Variants in RFTN1 observed in about 807,000 individuals in gnomAD.
RFTN1 encodes raftlin.
Under a neutral mutation model 46.5 loss-of-function variants are expected in RFTN1, and 26 were observed. The observed-to-expected ratio is 0.56, with a 90% CI of 0.41 to 0.78. RFTN1 has a LOEUF of 0.78. RFTN1 is among the 30% of genes least tolerant of loss of function. The pLI is 0.00. For synonymous variants in RFTN1, 261 were observed against 284.2 expected (o/e 0.92, Z 0.82); for missense variants, 693 against 718.7 (o/e 0.96, Z 0.41).
Position 16,322,456 on chromosome 3 carries a change from A to T in RFTN1, c.1332+920T>A, listed in dbSNP as rs1376598404. ...TGAGGAATGCAGGAGTGATGCCAGG[A>T]GTGAGGAGCCGAGCAGGTCAGGCAG... On this transcript the variant is annotated intron_variant, in intron 9 of 9. Coordinates refer to ENST00000334133, the MANE Select transcript of RFTN1 (RefSeq NM_015150.2). The surrounding 1 kb of genome is among the most constrained non-coding windows in gnomAD (Gnocchi z 6.2). Among the ~76,000 whole-genome samples the T allele has an allele frequency of 1.3e-5, 2 of 152,166 alleles. No homozygotes were observed. The highest frequency in any genetic ancestry group is 2.9e-5 in the Non-Finnish European group (2 of 68,024).
Position 16,458,135 on chromosome 3 carries a change from G to A in RFTN1, c.146-24098C>T, listed in dbSNP as rs937642696. 3.3e-5 allele frequency among the ~76,000 whole-genome samples: 5 copies of A among 152,058 alleles called. No homozygotes were observed. Among genetic ancestry groups the A allele is most frequent in the African/African-American group, 1.2e-4 (5 of 41,374 alleles). On this transcript the variant is annotated intron_variant, in intron 2 of 9. Transcript: ENST00000334133. This position sits in a 1 kb window ranked among gnomAD's most constrained non-coding sequence, Gnocchi z 5.1. Reference sequence around the variant, plus strand: ...GTTCTTTATAAACTACCCAGTCTTGGGTATTTCGTTTCAACAACACAAAAT... The same window carrying A: ...GTTCTTTATAAACTACCCAGTCTTGAGTATTTCGTTTCAACAACACAAAAT...
chr3:16,425,713 G>A lies in RFTN1; in HGVS notation c.332+8138C>T, dbSNP rs1346044577. 2.0e-5 allele frequency among the ~76,000 whole-genome samples: 3 copies of A among 152,120 alleles called. No homozygotes were observed. Among genetic ancestry groups the A allele is most frequent in the Non-Finnish European group, 4.4e-5 (3 of 68,042 alleles). ...AGAAGGTGGCTTTACGCTGGCATATGAGATTGAAAAGTGCAAACAAATAAT... is the reference window on the plus strand; with the variant it reads ...AGAAGGTGGCTTTACGCTGGCATATAAGATTGAAAAGTGCAAACAAATAAT... On this transcript the variant is annotated intron_variant, in intron 3 of 9. Transcript: ENST00000334133. The surrounding 1 kb of genome is among the most constrained non-coding windows in gnomAD (Gnocchi z 4.3).
chr3:16,477,249 TG>T (rs1559366858), intron 2 of RFTN1, among the ~76,000 whole-genome samples: 3 of 152,210 alleles, frequency 2.0e-5, no homozygotes, highest in Non-Finnish European at 4.4e-5. Context: ...TTAAGGTTGC[TG>T]GGGATTTTCC....
rs1391059139 is a variant in RFTN1, at chr3:16,483,637, C to A, written c.145+10088G>T. ...TCCTCCCAAATATATTCCAAGTCAC[C>A]TAAAGAAAGTAAGTTATGATTTGGT... On this transcript the variant is annotated intron_variant, in intron 2 of 9. Transcript: ENST00000334133. This position sits in a 1 kb window ranked among gnomAD's most constrained non-coding sequence, Gnocchi z 4.8. 1.3e-5 allele frequency among the ~76,000 whole-genome samples: 2 copies of A among 152,020 alleles called. No individual in the cohort carries two copies. Among genetic ancestry groups the A allele is most frequent in the African/African-American group, 4.8e-5 (2 of 41,356 alleles).
chr3:16,376,746 C>CA lies in RFTN1; in HGVS notation c.826+971dup. 6.6e-6 allele frequency among the ~76,000 whole-genome samples: 1 copy of CA among 152,328 alleles called. No homozygotes were observed. Among genetic ancestry groups the CA allele is most frequent in the South Asian group, 2.1e-4 (1 of 4,826 alleles). ...AATATCTCCCTCTAAATCAACTTTG[C>CA]AAATAAGCCCCTGGAATTAACCATC... On this transcript the variant is annotated intron_variant, in intron 5 of 9. Transcript: ENST00000334133. The surrounding 1 kb of genome is among the most constrained non-coding windows in gnomAD (Gnocchi z 4.7).
Position 16,335,317 on chromosome 3 carries a change from C to T in RFTN1, c.1147-8441G>A, listed in dbSNP as rs529900444. ...TGTGAGGGGGTGAGCAGAAGATGAA[C>T]GAAAATGGGCTGAGTGGGAAGGAAT... is the stretch of plus-strand genomic sequence containing the variant. On this transcript the variant is annotated intron_variant, in intron 7 of 9. Transcript: ENST00000334133. The surrounding 1 kb of genome is among the most constrained non-coding windows in gnomAD (Gnocchi z 4.7). Among the ~76,000 whole-genome samples, 9 of 152,170 alleles carry T rather than the reference C, an allele frequency of 5.9e-5. No individual in the cohort carries two copies. Among genetic ancestry groups the T allele is most frequent in the African/African-American group, 2.2e-4 (9 of 41,522 alleles).
At chr3:16,347,009 T>C (rs2071766393) in intron 7 of RFTN1, among the ~76,000 whole-genome samples, 1 of 152,232 alleles carries the variant, frequency 6.6e-6, no homozygotes, top group Non-Finnish European at 1.5e-5. Flanking sequence ...GATTTCCTGC[T>C]ATGAACGGTG....
chr3:16,328,106 C>T (rs911666174), intron 7 of RFTN1, among the ~76,000 whole-genome samples: 6 of 152,248 alleles, frequency 3.9e-5, no homozygotes, highest in African/African-American at 1.4e-4. Flanking sequence ...CTGGAGTTCA[C>T]AGGCTAGCAG....
At chr3:16,471,214 A>T (rs75755491) in intron 2 of RFTN1, among the ~76,000 whole-genome samples, 2 of 152,242 alleles carry the variant, frequency 1.3e-5, no homozygotes, top group Non-Finnish European at 2.9e-5. Context: ...ATCAAGGCCT[A>T]TAATGCCTAT....
At chr3:16,412,747 C>G (rs1186421537) in intron 3 of RFTN1, among the ~76,000 whole-genome samples, 1 of 152,194 alleles carries the variant, frequency 6.6e-6, no homozygotes, top group Non-Finnish European at 1.5e-5. Flanking sequence ...TATATGACTC[C>G]CTCTGAGCTA....
At position 16,346,269 on chromosome 3, in the gene RFTN1, T is replaced by G. The variant is rs1170131665; in HGVS notation, c.1146+11663A>C. On this transcript the variant is annotated intron_variant, in intron 7 of 9. Coordinates refer to ENST00000334133, the MANE Select transcript of RFTN1 (RefSeq NM_015150.2). This position sits in a 1 kb window ranked among gnomAD's most constrained non-coding sequence, Gnocchi z 4.4. The stretch of plus-strand genomic sequence containing the variant: ...CCATTCATCATGCTCTCACAGTGGC[T>G]GACACACAGTAGGAACTCAATATTT... 1 of 152,222 alleles carries G rather than the reference T, an allele frequency of 6.6e-6. No homozygotes were observed. Among genetic ancestry groups the G allele is most frequent in the Admixed American group, 6.5e-5 (1 of 15,276 alleles). The allele number at this position is 152,222 out of a possible 1,614,324, so 9.4% of individuals were successfully genotyped here.
Position 16,498,554 on chromosome 3 carries a change from C to G in RFTN1, c.-8-4677G>C, listed in dbSNP as rs547422119. 1.3e-5 allele frequency among the ~76,000 whole-genome samples: 2 copies of G among 152,308 alleles called. No homozygotes were observed. The highest frequency in any genetic ancestry group is 4.1e-4 in the South Asian group (2 of 4,824). Reference sequence around the variant, plus strand: ...GTAATATCATTGAATCCTTGAATCTCAAATTTTAGAGACTGATTTCTCTGG... The same window carrying G: ...GTAATATCATTGAATCCTTGAATCTGAAATTTTAGAGACTGATTTCTCTGG... On this transcript the variant is annotated intron_variant, in intron 1 of 9. Transcript: ENST00000334133. The surrounding 1 kb of genome is among the most constrained non-coding windows in gnomAD (Gnocchi z 5.2).
At chr3:16,395,447 A>T (rs979254349) in intron 4 of RFTN1, among the ~76,000 whole-genome samples, 1 of 148,678 alleles carries the variant, frequency 6.7e-6, no homozygotes, top group African/African-American at 2.5e-5. Flanking sequence ...AAGGAGCTGA[A>T]TTTTTTTTTT....
At chr3:16,369,702 T>G (rs1371657065) in intron 6 of RFTN1, among the ~76,000 whole-genome samples, 3 of 152,218 alleles carry the variant, frequency 2.0e-5, no homozygotes, top group African/African-American at 7.2e-5. Context: ...TACTTCAAAC[T>G]GTAATAGTGT....
At position 16,336,356 on chromosome 3, in the gene RFTN1, A is replaced by G. The variant is rs2125269300; in HGVS notation, c.1147-9480T>C. On this transcript the variant is annotated intron_variant, in intron 7 of 9. Coordinates refer to ENST00000334133, the MANE Select transcript of RFTN1 (RefSeq NM_015150.2). The surrounding 1 kb of genome is among the most constrained non-coding windows in gnomAD (Gnocchi z 6.0). Reference sequence around the variant, plus strand: ...GAGAACAAGCACATGGTTCCCATCCAGTGGAGCCCATGGAGGTGAGGTGGA... The same window carrying G: ...GAGAACAAGCACATGGTTCCCATCCGGTGGAGCCCATGGAGGTGAGGTGGA... Among the ~76,000 whole-genome samples, 2 of 152,264 alleles carry G rather than the reference A, an allele frequency of 1.3e-5. No individual in the cohort carries two copies. The highest frequency in any genetic ancestry group is 2.1e-4 in the South Asian group (1 of 4,824).
chr3:16,391,095 A>G (rs1575209600), intron 4 of RFTN1, among the ~76,000 whole-genome samples: 1 of 152,120 alleles, frequency 6.6e-6, no homozygotes, highest in Middle Eastern at 3.4e-3. Flanking sequence ...TACCAAGACC[A>G]TCACTAGTAC....
At chr3:16,472,535 G>T (rs1167375126) in intron 2 of RFTN1, 1 of 152,212 alleles carries the variant, frequency 6.6e-6, no homozygotes, top group East Asian at 1.9e-4. Context: ...GAGCCCAAAG[G>T]GGTGCAGGAA....
Position 16,341,213 on chromosome 3 carries a change from A to C in RFTN1, c.1147-14337T>G, listed in dbSNP as rs745897543. Among the ~76,000 whole-genome samples, 18 of 152,240 alleles carry C rather than the reference A, an allele frequency of 1.2e-4. No individual in the cohort carries two copies. The highest frequency in any genetic ancestry group is 2.2e-4 in the Non-Finnish European group (15 of 68,042). ...CTCTCGTTCACTGTGGTGGGGACGC[A>C]AAATAGTACAGCCACTACAGAAGAC... On this transcript the variant is annotated intron_variant, in intron 7 of 9. Coordinates refer to ENST00000334133, the MANE Select transcript of RFTN1 (RefSeq NM_015150.2). This position sits in a 1 kb window ranked among gnomAD's most constrained non-coding sequence, Gnocchi z 4.7.
intron 8 of RFTN1, 37 bp downstream of exon 8, chr3:16,326,736 T>C (rs1371258099): frequency 5.5e-6 from 8 of 1,453,086 alleles, no homozygotes; most frequent in Non-Finnish European, 7.7e-6. Flanking sequence ...ACAGAGTAAG[T>C]GTTCAATAGA....
Sources: gnomAD v4.1 joint callset for allele counts (sites outside exome capture counted in the v4.1 genomes callset) on GRCh38, gnomAD v4.1.1 for gene constraint, Gnocchi (gnomAD v3.1) non-coding constraint, MANE v1.5 for transcripts, NCBI Gene and HGNC (gene_info 2026-07-23, HGNC 2026-07-21) for gene names.